Variants in NFAT5 observed in about 807,000 individuals in gnomAD.
NFAT5 encodes nuclear factor of activated T-cells 5.
NFAT5 carries 31 observed loss-of-function variants against 166.5 expected under a neutral mutation model. That is an observed-to-expected ratio of 0.19 (90% CI 0.14 to 0.25). NFAT5 has a LOEUF of 0.25. Among genes scored for constraint, NFAT5 ranks in the 10% least tolerant of loss-of-function variants. The probability of loss-of-function intolerance (pLI) is 1.00; values close to 1 mark genes in which losing one functional copy is unlikely to be tolerated. For missense variants in NFAT5, 1,449 were observed against 1,821.8 expected, an observed-to-expected ratio of 0.80 and a Z score of 3.72; for synonymous variants, 612 against 639.7, an observed-to-expected ratio of 0.96 and a Z score of 0.65.
At chr16:69,676,109 A>G (rs1216678876) in intron 9 of NFAT5, among the ~76,000 whole-genome samples, 2 of 152,218 alleles carry the variant, frequency 1.3e-5, no homozygotes, top group Non-Finnish European at 2.9e-5. Context: ...AAATGTCATC[A>G]AACTCACGTC....
At chr16:69,687,843 A>C (rs1477369489) in intron 11 of NFAT5, among the ~76,000 whole-genome samples, 2 of 152,210 alleles carry the variant, frequency 1.3e-5, no homozygotes, top group South Asian at 4.1e-4. Flanking sequence ...AGCCAGGTAC[A>C]GTGGCTAGTG....
At chr16:69,599,285 G>A (rs1449712750) in intron 2 of NFAT5, among the ~76,000 whole-genome samples, 1 of 152,046 alleles carries the variant, frequency 6.6e-6, no homozygotes, top group Admixed American at 6.6e-5. Flanking sequence ...CTCAAAAAAT[G>A]TTGGGAGTTG....
intron 7 of NFAT5, among the ~76,000 whole-genome samples, chr16:69,665,429 C>G (rs2036328394): frequency 9.2e-6 from 1 of 108,790 alleles, no homozygotes; most frequent in South Asian, 3.7e-4. Context: ...CCCATTGTCT[C>G]AGCCCAAAAT....
rs1484426688 is a variant in NFAT5, at chr16:69,702,652, C to T, written c.*6301C>T. 8.0e-5 allele frequency: 12 copies of T among 150,786 alleles called. No individual in the cohort carries two copies. In the East Asian group the frequency reaches 1.2e-3, roughly 15 times the overall value. The allele number at this position is 150,786 out of a possible 1,614,324, so 9.3% of individuals were successfully genotyped here. On this transcript the variant is annotated 3_prime_UTR_variant, in exon 15 of 15. Coordinates refer to ENST00000349945, the MANE Select transcript of NFAT5 (RefSeq NM_138713.4). Reference sequence around the variant, plus strand: ...GTCAGAAACTCTGGAATAGGGCCCCCGCAATCTGTTTTCACAAGCCCTCCA... The same window carrying T: ...GTCAGAAACTCTGGAATAGGGCCCCTGCAATCTGTTTTCACAAGCCCTCCA...
intron 1 of NFAT5, among the ~76,000 whole-genome samples, chr16:69,567,794 A>T (rs1290776674): frequency 6.6e-6 from 1 of 152,216 alleles, no homozygotes; most frequent in Non-Finnish European, 1.5e-5. Context: ...GTCAAAAAAA[A>T]AAGAGACATA....
intron 9 of NFAT5, among the ~76,000 whole-genome samples, chr16:69,675,931 A>G (rs2036815351): frequency 6.6e-6 from 1 of 152,170 alleles, no homozygotes; most frequent in South Asian, 2.1e-4. Context: ...GTAAGCCACC[A>G]TGCCTGGCCT....
intron 2 of NFAT5, among the ~76,000 whole-genome samples, chr16:69,570,313 A>T (rs947248784): frequency 6.6e-6 from 1 of 152,094 alleles, no homozygotes; most frequent in Non-Finnish European, 1.5e-5. Context: ...TTGCTTCTGT[A>T]ATGAAGTGTC....
At chr16:69,645,664 A>G (rs2035408576) in intron 3 of NFAT5, among the ~76,000 whole-genome samples, 1 of 152,224 alleles carries the variant, frequency 6.6e-6, no homozygotes, top group Non-Finnish European at 1.5e-5. Flanking sequence ...ATAACTGCAC[A>G]TACAGTTTTA....
chr16:69,649,001 T>C (rs2035563608), intron 4 of NFAT5: 1 of 964,328 alleles, frequency 1.0e-6, no homozygotes, highest in South Asian at 4.8e-5. Context: ...AATGAATATT[T>C]AAATGCTTTT....
At chr16:69,588,560 A>G (rs898405254) in intron 2 of NFAT5, among the ~76,000 whole-genome samples, 41 of 152,338 alleles carry the variant, frequency 2.7e-4, no homozygotes, top group Admixed American at 1.3e-3. Context: ...TCAAATTTAG[A>G]TATGTCTTGT....
At chr16:69,590,645 T>C (rs2151524920) in intron 2 of NFAT5, among the ~76,000 whole-genome samples, 1 of 152,366 alleles carries the variant, frequency 6.6e-6, no homozygotes, top group East Asian at 1.9e-4. Context: ...TTCTATATCT[T>C]TTTTTGGCTT....
Position 69,691,871 on chromosome 16 carries a change from G to A in NFAT5, c.2046G>A (p.Gln682=), listed in dbSNP as rs1050946292. The change falls in exon 13 of 15, where the codon CAG becomes CAA. Residue 682 remains glutamine, a synonymous_variant. Transcript: ENST00000349945. ...HLPSENEKQQ[Q]IQPKAYNPET... ...CTTCTGAAAATGAAAAACAGCAGCA[G>A]ATTCAGCCCAAGGCATACAACCCAG... The A allele has an allele frequency of 2.3e-5, 37 of 1,614,010 alleles. No homozygotes were observed. Among genetic ancestry groups the A allele is most frequent in the Non-Finnish European group, 3.1e-5 (37 of 1,180,036 alleles).
At chr16:69,662,569 C>T (rs1407929561) in intron 7 of NFAT5, among the ~76,000 whole-genome samples, 6 of 151,206 alleles carry the variant, frequency 4.0e-5, no homozygotes, top group East Asian at 2.0e-4. Context: ...CCGCCATTCT[C>T]CTGCCTCAGC....
At chr16:69,568,340 A>ATGTGTG (rs1289905200) in intron 1 of NFAT5, among the ~76,000 whole-genome samples, 155 bp from the exon 2 acceptor site, 36 of 38,520 alleles carry the variant, frequency 9.3e-4, no homozygotes, top group African/African-American at 5.3e-3. Context: ...GTGTGTATAT[A>ATGTGTG]TATATATGTG....
chr16:69,641,892 G>A (rs1309410043), intron 3 of NFAT5, among the ~76,000 whole-genome samples: 1 of 151,998 alleles, frequency 6.6e-6, no homozygotes, highest in Non-Finnish European at 1.5e-5. Context: ...GAGCCTAGGA[G>A]TTCAAAACCA....
At chr16:69,618,026 C>T (rs547392615) in intron 2 of NFAT5, among the ~76,000 whole-genome samples, 1 of 151,890 alleles carries the variant, frequency 6.6e-6, no homozygotes, top group East Asian at 2.0e-4. Context: ...GGCGTGGTGG[C>T]GAATGCCTGT....
At chr16:69,578,485 A>G (rs2031446557) in intron 2 of NFAT5, among the ~76,000 whole-genome samples, 1 of 152,242 alleles carries the variant, frequency 6.6e-6, no homozygotes, top group Admixed American at 6.5e-5. Context: ...AACACTTAAA[A>G]TTTGTTGGTA....
chr16:69,588,153 T>A (rs1343141526), intron 2 of NFAT5, among the ~76,000 whole-genome samples: 1 of 152,010 alleles, frequency 6.6e-6, no homozygotes, highest in Non-Finnish European at 1.5e-5. Flanking sequence ...GGTTTCACCA[T>A]GTTGGCCAGG....
At chr16:69,568,941 A>G (rs1402224027) in intron 2 of NFAT5, among the ~76,000 whole-genome samples, 2 of 152,236 alleles carry the variant, frequency 1.3e-5, no homozygotes, top group Non-Finnish European at 2.9e-5. Flanking sequence ...GAACATTTAT[A>G]TGCTGAGCAT....
Sources: allele counts gnomAD v4.1 joint callset (sites outside exome capture counted in the v4.1 genomes callset), GRCh38; gene constraint gnomAD v4.1.1; transcripts MANE v1.5; gene names NCBI Gene and HGNC (gene_info 2026-07-23, HGNC 2026-07-21).